Variants in DENND2D observed in about 807,000 individuals in gnomAD.
DENND2D encodes the protein DENN domain-containing protein 2D.
DENND2D carries 37 observed loss-of-function variants against 59.8 expected under a neutral mutation model. The observed-to-expected ratio is 0.62, with a 90% CI of 0.48 to 0.81. The LOEUF is 0.81. Ranked by LOEUF, DENND2D falls within the 40% of genes least tolerant of loss-of-function variation. The probability of loss-of-function intolerance (pLI) is 0.00; values close to 1 mark genes in which losing one functional copy is unlikely to be tolerated. For synonymous variants in DENND2D, 219 were observed against 211.3 expected (o/e 1.04, Z -0.31); for missense variants, 525 against 579.7 (o/e 0.91, Z 0.97).
intron 8 of DENND2D, among the ~76,000 whole-genome samples, chr1:111,190,119 G>A (rs985725161): frequency 1.0e-3 from 145 of 144,386 alleles, no homozygotes; most frequent in African/African-American, 3.3e-3. Flanking sequence ...AGCCGAGATC[G>A]CGCCACTGCA....
chr1:111,187,108 C>T lies in DENND2D; in HGVS notation c.*497G>A, dbSNP rs1657295952. ...TTCCACTTGTAGTCCACTTGATTGT[C>T]ATATTCATTGCCTTATTTTCCACGA... On this transcript the variant is annotated 3_prime_UTR_variant, in exon 12 of 12. Coordinates refer to ENST00000357640, the MANE Select transcript of DENND2D (RefSeq NM_024901.5). 1 of 156,090 alleles carries T rather than the reference C, an allele frequency of 6.4e-6. No individual in the cohort carries two copies. The highest frequency in any genetic ancestry group is 6.3e-5 in the Admixed American group (1 of 15,952). 9.7% of individuals were successfully genotyped at this position (156,090 alleles called of 1,614,324 possible).
upstream of DENND2D, chr1:111,204,536 T>C: frequency 1.8e-6 from 1 of 569,696 alleles, no homozygotes; most frequent in Non-Finnish European, 2.7e-6. Context: ...GCGGGCCCGC[T>C]CTGCCCTCGC....
chr1:111,194,515 T>G, intron 7 of DENND2D, 63 bp downstream of exon 7: 1 of 1,583,512 alleles, frequency 6.3e-7, no homozygotes, highest in African/African-American at 1.4e-5. Flanking sequence ...TAACCTCCAG[T>G]CTGTTCCCTT....
upstream of DENND2D, among the ~76,000 whole-genome samples, chr1:111,202,779 G>A (rs1040896390): frequency 3.9e-5 from 6 of 152,102 alleles, no homozygotes; most frequent in African/African-American, 7.3e-5. Context: ...GAGGAAGGGG[G>A]AGAATCCCCA....
intron 6 of DENND2D, chr1:111,195,707 G>T: frequency 1.7e-6 from 1 of 602,620 alleles, no homozygotes; most frequent in Non-Finnish European, 2.9e-6. Context: ...GGTGGCTTGA[G>T]CAGTAACTAG....
chr1:111,188,814 A>C, intron 9 of DENND2D, 28 bp from the exon 10 acceptor site: 1 of 1,601,486 alleles, frequency 6.2e-7, no homozygotes, highest in Non-Finnish European at 8.6e-7. Context: ...TCCGAGGTCA[A>C]GCAGGAAGGA....
intron 5 of DENND2D, 87 bp downstream of exon 5, chr1:111,197,089 C>T: frequency 7.0e-7 from 1 of 1,423,190 alleles, no homozygotes; most frequent in South Asian, 1.2e-5. Flanking sequence ...GGGAGAAGAG[C>T]TCCACTAAGA....
Position 111,200,356 on chromosome 1 carries a change from A to AC in DENND2D, c.67+36dup, listed in dbSNP as rs745711199. 3.1e-6 allele frequency: 5 copies of AC among 1,601,264 alleles called. No individual in the cohort carries two copies. The East Asian group carries it at 1.1e-4, about 36-fold the overall frequency. On this transcript the variant is annotated intron_variant, in intron 1 of 11. Coordinates refer to ENST00000357640, the MANE Select transcript of DENND2D (RefSeq NM_024901.5). ...AGAAACAGTCCCGCCTAAGAGGGTC[A>AC]CCCTAAAAACAAGGAAGTAGGCAGT...
intron 11 of DENND2D, 120 bp from the exon 12 acceptor site, chr1:111,187,801 GT>G: frequency 1.2e-6 from 1 of 849,436 alleles, no homozygotes. Context: ...CTGCCAGGAT[GT>G]CTCTGGCCTC....
At chr1:111,194,311 C>G (rs1571185798) in intron 7 of DENND2D, among the ~76,000 whole-genome samples, 1 of 152,334 alleles carries the variant, frequency 6.6e-6, no homozygotes, top group Admixed American at 6.5e-5. Context: ...ACTGGTCCCA[C>G]CCAGGCTGTC....
At chr1:111,198,437 G>A (rs910077098) in intron 3 of DENND2D, among the ~76,000 whole-genome samples, 193 bp downstream of exon 3, 12 of 152,210 alleles carry the variant, frequency 7.9e-5, no homozygotes, top group African/African-American at 2.9e-4. Flanking sequence ...TTGGACAGAA[G>A]TGACTGATCA....
upstream of DENND2D, chr1:111,200,759 C>A (rs1000404108): frequency 1.2e-4 from 145 of 1,199,802 alleles, 1 homozygote; most frequent in Middle Eastern, 7.2e-4. Context: ...GAGAAAAGGT[C>A]ATGAGCAAAC....
At chr1:111,188,625 T>G in intron 10 of DENND2D, 77 bp downstream of exon 10, 1 of 1,386,978 alleles carries the variant, frequency 7.2e-7, no homozygotes, top group Non-Finnish European at 1.0e-6. Flanking sequence ...TGAGTTCATT[T>G]TAGTTCTGGA....
chr1:111,195,950 G>A lies in DENND2D; in HGVS notation c.611C>T (p.Thr204Ile), dbSNP rs770698608. 1 of 1,614,006 alleles carries A rather than the reference G, an allele frequency of 6.2e-7. No individual in the cohort carries two copies. The highest frequency in any genetic ancestry group is 1.3e-5 in the African/African-American group (1 of 74,902). The change falls in exon 6 of 12, where the codon ACT (threonine) becomes ATT (isoleucine). Residue 204 changes from threonine (T) to isoleucine (I), a missense_variant. Around this residue, in one of 3 missense-constraint regions of DENND2D, gnomAD observed 47 missense variants for 80.9 expected, o/e 0.58. Coordinates refer to ENST00000357640, the MANE Select transcript of DENND2D (RefSeq NM_024901.5). ...AAFPAPGKTV[T>I]LKSFIPDSGT... ...TGAGTCGGGGATGAAGCTCTTGAGA[G>A]TGACAGTCTTCCCAGGAGCAGGGAA...
chr1:111,197,970 G>C lies in DENND2D; in HGVS notation c.376C>G (p.Leu126Val). ...TTTCTGCTCCCATCCACATTGGTCA[G>C]AACGAAGGAGAAGGTCTCCCTAAGA... ...EYPRETFSFVLTNVDGSRKIG... is the reference protein window; with the variant it reads ...EYPRETFSFVVTNVDGSRKIG... The change falls in exon 4 of 12, where the codon CTG (leucine) becomes GTG (valine). Residue 126 changes from leucine (L) to valine (V), a missense_variant. By Grantham distance (32) the Leu-to-Val change is conservative (BLOSUM62 1). Coordinates refer to ENST00000357640, the MANE Select transcript of DENND2D (RefSeq NM_024901.5). The C allele has an allele frequency of 6.2e-7, 1 of 1,614,120 alleles. No homozygotes were observed. The highest frequency in any genetic ancestry group is 8.5e-7 in the Non-Finnish European group (1 of 1,180,020).
In DENND2D at chr1:111,188,220, G is replaced by T. The variant is rs1194295367; in HGVS notation, c.1250C>A (p.Thr417Asn). 2 of 1,614,062 alleles carry T rather than the reference G, an allele frequency of 1.2e-6. No homozygotes were observed. Among genetic ancestry groups the T allele is most frequent in the Admixed American group, 3.3e-5 (2 of 60,010 alleles). Residue 417 changes from threonine to asparagine, a missense_variant, in exon 11 of 12, where the codon ACC becomes AAC. Physicochemically the swap from Thr to Asn is moderately conservative, Grantham distance 65 (BLOSUM62 0). Coordinates refer to ENST00000357640, the MANE Select transcript of DENND2D (RefSeq NM_024901.5). ...AAACTTCTTCACAAATCGGCGGTTG[G>T]TCTTGGAGGTCAGAGCCTTACAGAA... ...RSFCKALTSK[T>N]NRRFVKKFVK... is the part of the protein sequence containing the mutation.
chr1:111,188,652 G>T, intron 10 of DENND2D, 50 bp downstream of exon 10: 1 of 1,470,670 alleles, frequency 6.8e-7, no homozygotes, highest in Non-Finnish European at 9.5e-7. Context: ...TGATTGAGAA[G>T]CATGCCCTTG....
rs1350127918 is a variant in DENND2D at position 111,186,519 on chromosome 1, A to G, written c.*1086T>C. On this transcript the variant is annotated 3_prime_UTR_variant, in exon 12 of 12. Coordinates refer to ENST00000357640, the MANE Select transcript of DENND2D (RefSeq NM_024901.5). The stretch of plus-strand genomic sequence containing the variant: ...TGAGGGCCACAAATACACACATTAA[A>G]AAAGGTAGAATTTTTGAAGATAAGA... 6.6e-6 allele frequency among the ~76,000 whole-genome samples: 1 copy of G among 152,208 alleles called. No homozygotes were observed. The highest frequency in any genetic ancestry group is 2.4e-5 in the African/African-American group (1 of 41,446).
rs777890646 is a variant in DENND2D, at chr1:111,188,821, AG to A, written c.1015-36del. 1.9e-5 allele frequency: 31 copies of A among 1,593,182 alleles called. No homozygotes were observed. The East Asian group carries it at 2.7e-4, about 14-fold the overall frequency. On this transcript the variant is annotated intron_variant, in intron 9 of 11. Transcript: ENST00000357640. ...GACAGAGCTCCGAGGTCAAGCAGGA[AG>A]GAAGTGTGGAGTGAAGGTGGTTGGC...
Sources: gnomAD v4.1 joint callset for allele counts (sites outside exome capture counted in the v4.1 genomes callset) on GRCh38, gnomAD v4.1.1 for gene constraint, gnomAD v4.1.1 regional missense constraint, MANE v1.5 for transcripts, NCBI Gene and HGNC (gene_info 2026-07-23, HGNC 2026-07-21) for gene names.